HNRNPDL: variants seen among roughly 807,000 people sequenced by gnomAD.
HNRNPDL encodes heterogeneous nuclear ribonucleoprotein D like.
HNRNPDL carries 18 observed loss-of-function variants against 48.0 expected under a neutral mutation model. That is an observed-to-expected ratio of 0.38 (90% confidence interval 0.26 to 0.56). The LOEUF (loss-of-function observed/expected upper bound fraction) is 0.56. HNRNPDL is among the 20% of genes least tolerant of loss of function. The pLI is 0.77. For missense variants in HNRNPDL, 553 were observed against 540.7 expected, an observed-to-expected ratio of 1.02 and a Z score of -0.23; for synonymous variants, 306 against 207.3, an observed-to-expected ratio of 1.48 and a Z score of -4.09.
In HNRNPDL at chr4:82,429,353, G is replaced by A. The variant is rs753527264; in HGVS notation, c.338C>T (p.Pro113Leu). Residue 113 changes from proline (P) to leucine (L), a missense_variant, in exon 1 of 8, where the codon CCT becomes CTT. This residue lies in a region of HNRNPDL where 327 missense variants were observed against 203.2 expected (regional missense o/e 1.61). Coordinates refer to ENST00000295470, the MANE Select transcript of HNRNPDL (RefSeq NM_031372.4). ...CTCCATAGTGACGGAGCTGTCGGCA[G>A]GGGGGTGCTGGCGCGCAGTCCGGGT... ...AATRTARQHP[P>L]ADSSVTMEDM... is the part of the protein sequence containing the mutation. 2.9e-5 allele frequency: 46 copies of A among 1,613,336 alleles called. No homozygotes were observed. The highest frequency in any genetic ancestry group is 4.0e-5 in the African/African-American group (3 of 74,744).
chr4:82,429,334 A>G lies in HNRNPDL; in HGVS notation c.357T>C (p.Thr119=), dbSNP rs1337082242. The G allele has an allele frequency of 1.2e-6, 2 of 1,613,622 alleles. No homozygotes were observed. ...TGCTGTACTCGTTCATATCCTCCAT[A>G]GTGACGGAGCTGTCGGCAGGGGGGT... is the stretch of plus-strand genomic sequence containing the variant. The part of the protein sequence containing the change: ...RQHPPADSSV[T]MEDMNEYSNI... The change falls in exon 1 of 8, where the codon ACT becomes ACC. Residue 119 remains threonine (T), a synonymous_variant. Coordinates refer to ENST00000295470, the MANE Select transcript of HNRNPDL (RefSeq NM_031372.4).
rs751447765 is a variant in HNRNPDL at position 82,423,556 on chromosome 4, T to G, written c.*1350A>C. 2.0e-5 allele frequency: 3 copies of G among 150,644 alleles called. No homozygotes were observed. The highest frequency in any genetic ancestry group is 4.4e-5 in the Non-Finnish European group (3 of 67,806). 9.3% of individuals were successfully genotyped at this position (150,644 alleles called of 1,614,324 possible). ...AAAAAAAAGGGAGGGCTCATGAGCA[T>G]AAGAAACTTACCAGTTTTGTGAGAT... is the stretch of plus-strand genomic sequence containing the variant. On this transcript the variant is annotated 3_prime_UTR_variant, in exon 8 of 8. Coordinates refer to ENST00000295470, the MANE Select transcript of HNRNPDL (RefSeq NM_031372.4).
In HNRNPDL at chr4:82,424,076, C is replaced by G. The variant is rs369770953; in HGVS notation, c.*830G>C. The G allele has an allele frequency of 2.6e-5, 4 of 152,276 alleles. No homozygotes were observed. Among genetic ancestry groups the G allele is most frequent in the East Asian group, 3.9e-4 (2 of 5,190 alleles). 9.4% of individuals were successfully genotyped at this position (152,276 alleles called of 1,614,324 possible). Reference sequence around the variant, plus strand: ...TTCGACCAAACTCATACCTTTCTACCAAAATCCTTGAGTTGTAACTACTTC... The same window carrying G: ...TTCGACCAAACTCATACCTTTCTACGAAAATCCTTGAGTTGTAACTACTTC... On this transcript the variant is annotated 3_prime_UTR_variant, in exon 8 of 8. Transcript: ENST00000295470.
intron 5 of HNRNPDL, 72 bp downstream of exon 5, chr4:82,427,118 C>A (rs1721444484): frequency 1.6e-5 from 16 of 995,424 alleles, no homozygotes; most frequent in Non-Finnish European, 6.4e-6. Flanking sequence ...TGCTTTGGTA[C>A]AGGACTACTC....
intron 3 of HNRNPDL, 93 bp downstream of exon 3, chr4:82,427,925 A>C (rs1721486466): frequency 1.6e-6 from 2 of 1,232,896 alleles, no homozygotes; most frequent in South Asian, 2.9e-5. Context: ...TTCTACTCTT[A>C]CAGGAAACAT....
At position 82,429,382 on chromosome 4, in the gene HNRNPDL, G is replaced by C. The variant is rs764382746; in HGVS notation, c.309C>G (p.Ala103=). 2.5e-6 allele frequency: 4 copies of C among 1,613,382 alleles called. No homozygotes were observed. In the South Asian group the frequency reaches 3.3e-5, roughly 13 times the overall value. The change falls in exon 1 of 8, where the codon GCC becomes GCG. Residue 103 remains alanine, a synonymous_variant. Transcript: ENST00000295470. ...SSIQRSAAAA[A]ATRTARQHPP... Reference sequence around the variant, plus strand: ...GGTGCTGGCGCGCAGTCCGGGTCGCGGCAGCAGCGGCGGCGGAGCGTTGTA... The same window carrying C: ...GGTGCTGGCGCGCAGTCCGGGTCGCCGCAGCAGCGGCGGCGGAGCGTTGTA...
At chr4:82,428,251 C>T in intron 2 of HNRNPDL, 27 bp downstream of exon 2, 2 of 1,608,564 alleles carry the variant, frequency 1.2e-6, no homozygotes, top group Admixed American at 1.7e-5. Flanking sequence ...ACCACAAAAG[C>T]AGCACAATGC....
Position 82,423,499 on chromosome 4 carries a change from ATTG to A in HNRNPDL, c.*1404_*1406del, listed in dbSNP as rs1027302335. The A allele has an allele frequency of 5.9e-5, 9 of 152,224 alleles. No individual in the cohort carries two copies. The highest frequency in any genetic ancestry group is 4.1e-4 in the South Asian group (2 of 4,828). 9.4% of individuals were successfully genotyped at this position (152,224 alleles called of 1,614,324 possible). On this transcript the variant is annotated 3_prime_UTR_variant, in exon 8 of 8. Coordinates refer to ENST00000295470, the MANE Select transcript of HNRNPDL (RefSeq NM_031372.4). ...ATGTGATAGCCCAGGAAGTAGAATC[ATTG>A]TTAAGAAAGTTGCAGGCACCAAATT...
chr4:82,427,072 C>A, intron 5 of HNRNPDL, 118 bp downstream of exon 5: 1 of 783,168 alleles, frequency 1.3e-6, no homozygotes. Context: ...GCTGAACAGT[C>A]CCCCCTCCGC....
At position 82,428,352 on chromosome 4, in the gene HNRNPDL, T is replaced by C; in HGVS notation, c.538A>G (p.Lys180Glu). Reference sequence around the variant, plus strand: ...GATCTCCCAGTGACTGGATCTGTTTTAATTGTGCAGTCTACAACTTCCCCA... The same window carrying C: ...GATCTCCCAGTGACTGGATCTGTTTCAATTGTGCAGTCTACAACTTCCCCA... ...RFGEVVDCTI[K>E]TDPVTGRSRG... The change falls in exon 2 of 8, where the codon AAA becomes GAA. Residue 180 changes from lysine to glutamate, a missense_variant. Coordinates refer to ENST00000295470, the MANE Select transcript of HNRNPDL (RefSeq NM_031372.4). The C allele has an allele frequency of 6.2e-7, 1 of 1,614,090 alleles. No individual in the cohort carries two copies. Among genetic ancestry groups the C allele is most frequent in the African/African-American group, 1.3e-5 (1 of 75,064 alleles).
At position 82,427,468 on chromosome 4, in the gene HNRNPDL, A is replaced by G; in HGVS notation, c.871T>C (p.Leu291=). Residue 291 remains leucine (L), a synonymous_variant, in exon 4 of 8, where the codon TTA becomes CTA. Transcript: ENST00000295470. ...CCAATTTGATGGTATCTGCTTTCTAACAATTTTTTTACTGGCTCTTCATCA... is the reference window on the plus strand; with the variant it reads ...CCAATTTGATGGTATCTGCTTTCTAGCAATTTTTTTACTGGCTCTTCATCA... ...YTDEEPVKKL[L]ESRYHQIGSG... 6.2e-7 allele frequency: 1 copy of G among 1,610,476 alleles called. No individual in the cohort carries two copies. The highest frequency in any genetic ancestry group is 8.5e-7 in the Non-Finnish European group (1 of 1,179,168).
In HNRNPDL at chr4:82,429,413, C is replaced by G. The variant is rs766271556; in HGVS notation, c.278G>C (p.Ser93Thr). 1 of 1,613,116 alleles carries G rather than the reference C, an allele frequency of 6.2e-7. No homozygotes were observed. Among genetic ancestry groups the G allele is most frequent in the African/African-American group, 1.3e-5 (1 of 74,882 alleles). ...AGCGGCGGCGGAGCGTTGTATGGAGCTGGATTTAAAATGGCGGCGGAAGAG... is the reference window on the plus strand; with the variant it reads ...AGCGGCGGCGGAGCGTTGTATGGAGGTGGATTTAAAATGGCGGCGGAAGAG... ...PDLFRRHFKS[S>T]SIQRSAAAAA... The change falls in exon 1 of 8, where the codon AGC becomes ACC. Residue 93 changes from serine to threonine, a missense_variant. Transcript: ENST00000295470.
rs184799779 is a variant in HNRNPDL at position 82,424,795 on chromosome 4, G to C, written c.*111C>G. 53 of 152,376 alleles carry C rather than the reference G, an allele frequency of 3.5e-4. No homozygotes were observed. The highest frequency in any genetic ancestry group is 1.3e-3 in the African/African-American group (52 of 41,572). The allele number at this position is 152,376 out of a possible 1,614,324, so 9.4% of individuals were successfully genotyped here. On this transcript the variant is annotated 3_prime_UTR_variant, in exon 8 of 8. Transcript: ENST00000295470. ...GGACACAATGGTGTCTTGTACACTA[G>C]AAAGTCTTTTACAAAATAATCATCT...
At chr4:82,427,595 C>T in intron 3 of HNRNPDL, 31 bp from the exon 4 acceptor site, 3 of 1,598,994 alleles carry the variant, frequency 1.9e-6, no homozygotes, top group South Asian at 1.1e-5. Flanking sequence ...CAACGTCATC[C>T]CATAATTGTA....
At position 82,422,664 on chromosome 4, in the gene HNRNPDL, G is replaced by C. The variant is rs1056176067; in HGVS notation, c.*2242C>G. 1 of 152,112 alleles carries C rather than the reference G, an allele frequency of 6.6e-6. No homozygotes were observed. The highest frequency in any genetic ancestry group is 2.1e-4 in the South Asian group (1 of 4,830). 9.4% of individuals were successfully genotyped at this position (152,112 alleles called of 1,614,324 possible). A position where few individuals can be genotyped will look rare whatever the true frequency, so the allele number is the denominator to read the frequency against. On this transcript the variant is annotated 3_prime_UTR_variant, in exon 8 of 8. Coordinates refer to ENST00000295470, the MANE Select transcript of HNRNPDL (RefSeq NM_031372.4). ...AAGAAATTACTAAGGTGTTTTGTTA[G>C]GATAACATCACACAGAATTTGGTCT...
chr4:82,426,001 G>C, intron 7 of HNRNPDL, 36 bp downstream of exon 7: 3 of 1,255,274 alleles, frequency 2.4e-6, no homozygotes, highest in South Asian at 1.2e-5. Context: ...AATTAAATTA[G>C]ACATTTCTAC....
rs770246584 is a variant in HNRNPDL, at chr4:82,429,427, G to T, written c.264C>A (p.Arg88=). The T allele has an allele frequency of 2.5e-5, 40 of 1,612,512 alleles. No individual in the cohort carries two copies. Among genetic ancestry groups the T allele is most frequent in the Non-Finnish European group, 3.3e-5 (39 of 1,179,530 alleles). The change falls in exon 1 of 8, where the codon CGC becomes CGA. Residue 88 remains arginine, a synonymous_variant. Transcript: ENST00000295470. ...GTTGTATGGAGCTGGATTTAAAATG[G>T]CGGCGGAAGAGATCCGGGCGCCGCC... ...GRRRRPDLFR[R]HFKSSSIQRS... is the part of the protein sequence containing the mutation.
chr4:82,426,552 T>C lies in HNRNPDL; in HGVS notation c.1103A>G (p.Asp368Gly). ...TCCGCCATAGCCACTATAGTTTTGA[T>C]CACCACCATAGGCACTATTGTAATT... ...YGNYNSAYGG[D>G]QNYSGYGGYD... is the part of the protein sequence containing the mutation. Residue 368 changes from aspartate (D) to glycine (G), a missense_variant, in exon 6 of 8, where the codon GAT (aspartate) becomes GGT (glycine). Physicochemically the swap from Asp to Gly is moderately conservative, Grantham distance 94. Transcript: ENST00000295470. 1 of 1,613,154 alleles carries C rather than the reference T, an allele frequency of 6.2e-7. No homozygotes were observed.
intron 3 of HNRNPDL, 116 bp from the exon 4 acceptor site, chr4:82,427,680 C>T: frequency 1.1e-6 from 1 of 900,640 alleles, no homozygotes; most frequent in Admixed American, 2.5e-5. Context: ...CGGGTGACTT[C>T]TATACAGACA....
Sources: gnomAD v4.1 joint callset for allele counts on GRCh38, gnomAD v4.1.1 for gene constraint, gnomAD v4.1.1 regional missense constraint, MANE v1.5 for transcripts, NCBI Gene and HGNC (gene_info 2026-07-23, HGNC 2026-07-21) for gene names.